Variants in CCDC171 observed in about 807,000 individuals in gnomAD.
The protein encoded by CCDC171 is coiled-coil domain containing 171.
Under a neutral mutation model 168.2 loss-of-function variants are expected in CCDC171, and 177 were observed. The observed-to-expected ratio is 1.05, with a 90% CI of 0.93 to 1.19. The LOEUF (loss-of-function observed/expected upper bound fraction) is 1.19. Among genes scored for constraint, CCDC171 ranks in the 50% most tolerant of loss-of-function variants. The pLI, the probability that CCDC171 is intolerant of heterozygous loss-of-function variation, is 0.00. For synonymous variants in CCDC171, 687 were observed against 540.8 expected, an observed-to-expected ratio of 1.27 and a Z score of -3.75; for missense variants, 1,991 against 1,539.0, an observed-to-expected ratio of 1.29 and a Z score of -4.91.
chr9:15,928,993 A>G, intron 25 of CCDC171, among the ~76,000 whole-genome samples: 1 of 151,624 alleles, frequency 6.6e-6, no homozygotes, highest in Non-Finnish European at 1.5e-5. Flanking sequence ...AAATCCTGAT[A>G]GTGACTTTTG....
At chr9:15,990,974 A>G (rs1208541379) in intron 3 of CCDC171, among the ~76,000 whole-genome samples, 1 of 152,164 alleles carries the variant, frequency 6.6e-6, no homozygotes, top group African/African-American at 2.4e-5. Flanking sequence ...CACAATAATA[A>G]TGGGAGACTT....
At chr9:15,997,344 C>T (rs1198969895) in intron 3 of CCDC171, among the ~76,000 whole-genome samples, 1 of 152,160 alleles carries the variant, frequency 6.6e-6, no homozygotes, top group Non-Finnish European at 1.5e-5. Context: ...TGGGGACTGC[C>T]CAGAGGAGCA....
At chr9:15,590,272 A>G (rs774031122) in intron 4 of CCDC171, among the ~76,000 whole-genome samples, 17 of 152,214 alleles carry the variant, frequency 1.1e-4, no homozygotes, top group Non-Finnish European at 2.4e-4. Context: ...TTTTGAATGT[A>G]TGATTGATTC....
the CCDC171 span, among the ~76,000 whole-genome samples, chr9:16,106,461 G>T: frequency 1.3e-5 from 2 of 152,142 alleles, no homozygotes; most frequent in Non-Finnish European, 1.5e-5. Flanking sequence ...TCCCAACCCA[G>T]TGCAATTCCG....
chr9:15,740,086 A>G (rs2054761260), intron 16 of CCDC171, among the ~76,000 whole-genome samples: 1 of 152,038 alleles, frequency 6.6e-6, no homozygotes, highest in African/African-American at 2.4e-5. Context: ...CTTTTTATGC[A>G]TCTGGATTTT....
chr9:15,968,298 A>G (rs1006888695), intron 25 of CCDC171, among the ~76,000 whole-genome samples: 3 of 152,336 alleles, frequency 2.0e-5, no homozygotes, highest in Admixed American at 6.5e-5. Flanking sequence ...AGTAGTTTAT[A>G]TGACCATGGA....
chr9:15,924,944 C>T (rs1825735376), intron 25 of CCDC171, among the ~76,000 whole-genome samples: 1 of 151,472 alleles, frequency 6.6e-6, no homozygotes, highest in Non-Finnish European at 1.5e-5. Flanking sequence ...TTTGTTGACT[C>T]CCAGGCCTCT....
chr9:16,059,771 C>T (rs1833903950), intron 1 of CCDC171, among the ~76,000 whole-genome samples: 1 of 151,244 alleles, frequency 6.6e-6, no homozygotes, highest in Non-Finnish European at 1.5e-5. Flanking sequence ...GCCTCGGCCT[C>T]CCAAAGTGCT....
chr9:15,836,277 C>T (rs1003585974), intron 21 of CCDC171, among the ~76,000 whole-genome samples: 2 of 152,206 alleles, frequency 1.3e-5, no homozygotes, highest in Admixed American at 1.3e-4. Context: ...CTGTGTGCTT[C>T]TGCTTCATAT....
rs78520591 is a variant in CCDC171, at chr9:15,988,143, C to T, written n.369-32446C>T. Among the ~76,000 whole-genome samples the T allele has an allele frequency of 5.2e-4, 79 of 152,302 alleles. 1 individual carries two copies. The East Asian group carries it at 0.015, about 28-fold the overall frequency. Reference sequence around the variant, plus strand: ...TTGTGTTCAGGGTAACTAAGCAGTACAGTAGCATCACCAGGATACTGTCTC... The same window carrying T: ...TTGTGTTCAGGGTAACTAAGCAGTATAGTAGCATCACCAGGATACTGTCTC... On this transcript the variant is annotated intron_variant and non_coding_transcript_variant, in intron 3 of 9. Coordinates refer to the CCDC171 transcript ENST00000486641.
intron 6 of CCDC171, among the ~76,000 whole-genome samples, chr9:15,613,598 C>A (rs1362688491): frequency 1.3e-5 from 2 of 150,584 alleles, no homozygotes; most frequent in African/African-American, 4.9e-5. Flanking sequence ...TCTTGGCTAA[C>A]TGCAGCCTCC....
chr9:15,908,737 G>A (rs998551139), intron 24 of CCDC171, among the ~76,000 whole-genome samples: 3 of 152,128 alleles, frequency 2.0e-5, no homozygotes, highest in Non-Finnish European at 2.9e-5. Flanking sequence ...TTCTAGGGAA[G>A]CTTCAGGAAG....
rs764796337 is a variant in CCDC171, at chr9:15,779,012, A to G, written c.2943A>G (p.Gln981=). The change falls in exon 20 of 26, where the codon CAA becomes CAG. Residue 981 remains glutamine (Q), a synonymous_variant. Transcript: ENST00000380701. ...AGAAGCAAATACTTGGATTTACACA[A>G]AGACTGCATGCTGCAGAAGTGGAGC... ...SLQKQILGFT[Q]RLHAAEVERR... 7.6e-6 allele frequency: 12 copies of G among 1,577,894 alleles called. No individual in the cohort carries two copies. The Admixed American group carries it at 2.2e-4, about 29-fold the overall frequency.
chr9:15,782,477 T>A (rs907021480), intron 20 of CCDC171, among the ~76,000 whole-genome samples: 31 of 152,144 alleles, frequency 2.0e-4, no homozygotes, highest in African/African-American at 6.7e-4. Flanking sequence ...ATTACCTGAG[T>A]TTTTAGGTAA....
intron 6 of CCDC171, among the ~76,000 whole-genome samples, chr9:15,615,788 T>G (rs2044035502): frequency 1.3e-5 from 2 of 151,842 alleles, no homozygotes; most frequent in South Asian, 2.1e-4. Flanking sequence ...TTTTTTTTTT[T>G]TTTTTCTTCA....
chr9:15,670,801 C>T (rs1387813882), intron 9 of CCDC171, among the ~76,000 whole-genome samples: 1 of 151,964 alleles, frequency 6.6e-6, no homozygotes, highest in East Asian at 1.9e-4. Context: ...TTGTTTATTG[C>T]TGTCTTGTCA....
intron 3 of CCDC171, among the ~76,000 whole-genome samples, chr9:15,982,208 A>C (rs1393648660): frequency 2.0e-5 from 3 of 148,534 alleles, no homozygotes; most frequent in African/African-American, 5.3e-5. Flanking sequence ...CATAGCCTTC[A>C]TGCTTCTGAG....
rs550206101 is a variant in CCDC171 at position 15,590,517 on chromosome 9, GTTGA to G, written c.353-847_353-844del. Among the ~76,000 whole-genome samples the G allele has an allele frequency of 2.7e-3, 405 of 152,322 alleles. 1 individual carries two copies. The highest frequency in any genetic ancestry group is 4.3e-3 in the Non-Finnish European group (290 of 68,030). On this transcript the variant is annotated intron_variant, in intron 4 of 25. Coordinates refer to ENST00000380701, the MANE Select transcript of CCDC171 (RefSeq NM_173550.4). ...TGAAACAGAGCAGCAGTGTTAGTGTGTTGATAGGTGTTGGTTATTGTTGAGGTAA... is the reference window on the plus strand; with the variant it reads ...TGAAACAGAGCAGCAGTGTTAGTGTGTAGGTGTTGGTTATTGTTGAGGTAA...
At chr9:15,691,803 A>G (rs2050818755) in intron 10 of CCDC171, among the ~76,000 whole-genome samples, 1 of 151,854 alleles carries the variant, frequency 6.6e-6, no homozygotes, top group Non-Finnish European at 1.5e-5. Flanking sequence ...CAACCTGCTG[A>G]GTAACTGGGA....
Sources: allele counts gnomAD v4.1 joint callset (sites outside exome capture counted in the v4.1 genomes callset), GRCh38; gene constraint gnomAD v4.1.1; transcripts MANE v1.5; gene names NCBI Gene and HGNC (gene_info 2026-07-23, HGNC 2026-07-21).